Variants in GREM2 observed in about 807,000 individuals in gnomAD.
The protein encoded by GREM2 is gremlin 2, DAN family BMP antagonist.
Under a neutral mutation model 14.2 loss-of-function variants are expected in GREM2, and 11 were observed. The ratio of observed to expected loss-of-function variants is 0.78; its 90% CI spans 0.49 to 1.28. The LOEUF (loss-of-function observed/expected upper bound fraction) is 1.28. Ranked by LOEUF, GREM2 falls within the 50% of genes most tolerant of loss-of-function variation. The pLI is 0.00. For synonymous variants in GREM2, 98 were observed against 97.6 expected (o/e 1.00, Z -0.02); for missense variants, 210 against 218.5 (o/e 0.96, Z 0.24).
chr1:240,598,835 C>G (rs1417494862), intron 1 of GREM2, among the ~76,000 whole-genome samples: 1 of 152,178 alleles, frequency 6.6e-6, no homozygotes, highest in Non-Finnish European at 1.5e-5. Context: ...AAGAATAATA[C>G]TTGCCCCATA....
chr1:240,537,656 G>A (rs555696286), intron 1 of GREM2, among the ~76,000 whole-genome samples: 70 of 152,186 alleles, frequency 4.6e-4, no homozygotes, highest in East Asian at 1.9e-4. Flanking sequence ...ATGGTGGCGC[G>A]TGCCTGTAAT....
At chr1:240,549,548 A>C (rs903477089) in intron 1 of GREM2, among the ~76,000 whole-genome samples, 1 of 152,158 alleles carries the variant, frequency 6.6e-6, no homozygotes, top group African/African-American at 2.4e-5. Context: ...ACACAACAAA[A>C]AAACCGGTGC....
intron 1 of GREM2, among the ~76,000 whole-genome samples, chr1:240,495,625 G>A (rs1677395087): frequency 6.6e-6 from 1 of 152,142 alleles, no homozygotes; most frequent in Non-Finnish European, 1.5e-5. Flanking sequence ...AGGACACTAA[G>A]GCATTGACAG....
chr1:240,518,951 A>G (rs1425270028), intron 1 of GREM2, among the ~76,000 whole-genome samples: 1 of 138,782 alleles, frequency 7.2e-6, no homozygotes, highest in African/African-American at 2.6e-5. Flanking sequence ...GTGGGTCTTC[A>G]GGGTGTAATA....
intron 1 of GREM2, among the ~76,000 whole-genome samples, chr1:240,508,283 CTG>C (rs968578763): frequency 4.6e-5 from 7 of 152,132 alleles, no homozygotes; most frequent in Non-Finnish European, 1.0e-4. Context: ...TTCAGAGAAA[CTG>C]TAGATGTTGT....
At chr1:240,577,330 GAA>G (rs58650450) in intron 1 of GREM2, among the ~76,000 whole-genome samples, 5 of 149,790 alleles carry the variant, frequency 3.3e-5, no homozygotes, top group South Asian at 2.1e-4. Flanking sequence ...GTCATACAAG[GAA>G]AAAAAAAATG....
At chr1:240,604,776 G>A in intron 1 of GREM2, among the ~76,000 whole-genome samples, 1 of 152,140 alleles carries the variant, frequency 6.6e-6, no homozygotes, top group East Asian at 1.9e-4. Flanking sequence ...TGGCAAACAT[G>A]GTGAGACCCA....
intron 1 of GREM2, among the ~76,000 whole-genome samples, chr1:240,545,139 A>C (rs1678689916): frequency 6.6e-6 from 1 of 152,220 alleles, no homozygotes; most frequent in African/African-American, 2.4e-5. Flanking sequence ...CAGCAGGATT[A>C]GAGGGTTGGG....
At chr1:240,546,184 C>T (rs539008490) in intron 1 of GREM2, among the ~76,000 whole-genome samples, 4 of 151,892 alleles carry the variant, frequency 2.6e-5, no homozygotes, top group African/African-American at 9.7e-5. Flanking sequence ...AAAGACACAA[C>T]AAAAATTAGC....
chr1:240,561,727 A>ACACACACAC lies in GREM2; in HGVS notation c.-2+50156_-2+50157insGTGTGTGTG, dbSNP rs1679043936. ...ACACACACACACACACACACACACA[A>ACACACACAC]ACTGCCATAGGAACTGTGAAATGGA... On this transcript the variant is annotated intron_variant, in intron 1 of 1. Coordinates refer to ENST00000318160, the MANE Select transcript of GREM2 (RefSeq NM_022469.4). Among the ~76,000 whole-genome samples the ACACACACAC allele has an allele frequency of 3.6e-5, 4 of 111,114 alleles. No homozygotes were observed. The South Asian group carries it at 9.2e-4, about 26-fold the overall frequency. The allele number at this position is 111,114 out of a possible 152,430, so 72.9% of individuals were successfully genotyped here. A position where few individuals can be genotyped will look rare whatever the true frequency, so the allele number is the denominator to read the frequency against.
chr1:240,539,930 T>C (rs2103324531), intron 1 of GREM2, among the ~76,000 whole-genome samples: 1 of 152,288 alleles, frequency 6.6e-6, no homozygotes, highest in Non-Finnish European at 1.5e-5. Flanking sequence ...TTTCTCAAAA[T>C]GTAAATATTT....
At chr1:240,604,413 T>A (rs10926307) in intron 1 of GREM2, among the ~76,000 whole-genome samples, 12,428 of 152,014 alleles carry the variant, frequency 0.082, 627 homozygotes, top group East Asian at 0.15. Flanking sequence ...GCAGGTATGA[T>A]CACTTCCATA....
In GREM2 at chr1:240,497,757, G is replaced by A. The variant is rs549442153; in HGVS notation, c.-1-4281C>T. On this transcript the variant is annotated intron_variant, in intron 1 of 1. Coordinates refer to ENST00000318160, the MANE Select transcript of GREM2 (RefSeq NM_022469.4). The stretch of plus-strand genomic sequence containing the variant: ...GCCTCCTTAGTTGCACACATGAAAT[G>A]TCATATGAAAATGGCCACGCTTCCA... Among the ~76,000 whole-genome samples the A allele has an allele frequency of 7.3e-5, 11 of 151,278 alleles. No homozygotes were observed. In the South Asian group the frequency reaches 2.3e-3, roughly 32 times the overall value.
intron 1 of GREM2, among the ~76,000 whole-genome samples, chr1:240,571,698 C>CA (rs1264364304): frequency 6.6e-6 from 1 of 151,096 alleles, no homozygotes; most frequent in Non-Finnish European, 1.5e-5. Context: ...AACTCCATCG[C>CA]AAAAAAAGAA....
intron 1 of GREM2, among the ~76,000 whole-genome samples, chr1:240,551,320 A>G (rs1376622242): frequency 2.7e-5 from 4 of 149,922 alleles, no homozygotes; most frequent in Non-Finnish European, 1.5e-5. Context: ...CATTTTCAGT[A>G]TAATAGGTTT....
At position 240,594,447 on chromosome 1, in the gene GREM2, A is replaced by G. The variant is rs1427694787; in HGVS notation, c.-2+17437T>C. The stretch of plus-strand genomic sequence containing the variant: ...TCTTTTCCCGGAAATAAACCAGGAA[A>G]GAATATTGGGTTGAACCTAAGAAGA... On this transcript the variant is annotated intron_variant, in intron 1 of 1. Coordinates refer to ENST00000318160, the MANE Select transcript of GREM2 (RefSeq NM_022469.4). 6.6e-5 allele frequency among the ~76,000 whole-genome samples: 10 copies of G among 152,336 alleles called. No homozygotes were observed. The East Asian group carries it at 1.9e-3, about 29-fold the overall frequency.
intron 1 of GREM2, among the ~76,000 whole-genome samples, chr1:240,565,408 G>A (rs1679156980): frequency 6.6e-6 from 1 of 152,084 alleles, no homozygotes; most frequent in Non-Finnish European, 1.5e-5. Flanking sequence ...AAGTGAGGAA[G>A]GCTTCAGATA....
At chr1:240,550,311 C>G (rs955713161) in intron 1 of GREM2, 3 of 152,180 alleles carry the variant, frequency 2.0e-5, no homozygotes, top group African/African-American at 7.2e-5. Flanking sequence ...TGTGAGCCAC[C>G]GCGCCCAGCC....
At chr1:240,503,509 G>A (rs990173442) in intron 1 of GREM2, among the ~76,000 whole-genome samples, 1 of 152,074 alleles carries the variant, frequency 6.6e-6, no homozygotes, top group Non-Finnish European at 1.5e-5. Context: ...AAGATTTCTC[G>A]TCACTTACAA....
Sources: allele counts gnomAD v4.1 joint callset (sites outside exome capture counted in the v4.1 genomes callset), GRCh38; gene constraint gnomAD v4.1.1; transcripts MANE v1.5; gene names NCBI Gene and HGNC (gene_info 2026-07-23, HGNC 2026-07-21).